Variants in FBXL17 observed in about 807,000 individuals in gnomAD.
The protein encoded by FBXL17 is F-box/LRR-repeat protein 17.
FBXL17 carries 22 observed loss-of-function variants against 66.2 expected under a neutral mutation model. That is an observed-to-expected ratio of 0.33 (90% CI 0.24 to 0.47). FBXL17 has a LOEUF of 0.47. Among genes scored for constraint, FBXL17 ranks in the 20% least tolerant of loss-of-function variants. The pLI is 1.00. For missense variants in FBXL17, 878 were observed against 948.2 expected (o/e 0.93, Z 0.97); for synonymous variants, 474 against 400.5 (o/e 1.18, Z -2.19).
chr5:108,028,316 G>C (rs1754905073), intron 6 of FBXL17, among the ~76,000 whole-genome samples: 1 of 152,166 alleles, frequency 6.6e-6, no homozygotes, highest in South Asian at 2.1e-4. Flanking sequence ...GTGAAATTTA[G>C]GTGAAATATT....
chr5:108,229,202 AC>A (rs1301779562), intron 4 of FBXL17, among the ~76,000 whole-genome samples: 2 of 152,094 alleles, frequency 1.3e-5, no homozygotes, highest in African/African-American at 2.4e-5. Flanking sequence ...ACTAGAAAAA[AC>A]AATCCTAAAA....
chr5:108,115,927 A>T (rs894813986), intron 6 of FBXL17, among the ~76,000 whole-genome samples: 1 of 152,202 alleles, frequency 6.6e-6, no homozygotes, highest in Non-Finnish European at 1.5e-5. Context: ...CCAAAATCAC[A>T]CTGAAAGTAA....
intron 7 of FBXL17, among the ~76,000 whole-genome samples, chr5:107,918,411 G>T (rs1266803300): frequency 6.6e-6 from 1 of 152,156 alleles, no homozygotes; most frequent in Non-Finnish European, 1.5e-5. Context: ...TTTTTAAAAA[G>T]AATCTTGATC....
At chr5:108,258,137 G>A (rs890569451) in intron 4 of FBXL17, among the ~76,000 whole-genome samples, 9 of 152,146 alleles carry the variant, frequency 5.9e-5, no homozygotes, top group African/African-American at 1.9e-4. Context: ...AGGGTCTTTG[G>A]AATGTAATTA....
chr5:107,919,962 G>T (rs1161327994), intron 7 of FBXL17, among the ~76,000 whole-genome samples: 1 of 152,172 alleles, frequency 6.6e-6, no homozygotes, highest in Non-Finnish European at 1.5e-5. Context: ...ACTAAATACA[G>T]AATAAATGAA....
intron 4 of FBXL17, among the ~76,000 whole-genome samples, chr5:108,291,194 TC>T (rs1255719836): frequency 1.3e-5 from 2 of 152,318 alleles, no homozygotes; most frequent in East Asian, 3.9e-4. Flanking sequence ...ACAATTATTG[TC>T]ACCCACCTTA....
intron 7 of FBXL17, among the ~76,000 whole-genome samples, chr5:108,010,216 C>T (rs1754123282): frequency 6.6e-6 from 1 of 152,154 alleles, no homozygotes; most frequent in South Asian, 2.1e-4. Flanking sequence ...TATTTATTTC[C>T]AAATGGCTGG....
At chr5:108,344,978 C>A (rs1273250704) in intron 4 of FBXL17, among the ~76,000 whole-genome samples, 1 of 152,140 alleles carries the variant, frequency 6.6e-6, no homozygotes, top group South Asian at 2.1e-4. Flanking sequence ...TATGTAGGTA[C>A]ATGACACCTG....
At chr5:108,297,024 C>G (rs1023379472) in intron 4 of FBXL17, among the ~76,000 whole-genome samples, 8 of 151,122 alleles carry the variant, frequency 5.3e-5, no homozygotes, top group Admixed American at 5.3e-4. Context: ...GCATCATTTT[C>G]TGAAATAATA....
chr5:108,380,942 G>A lies in FBXL17; in HGVS notation c.750C>T (p.Ala250=). The change falls in exon 1 of 9, where the codon GCC becomes GCT. Residue 250 remains alanine (A), a synonymous_variant. Transcript: ENST00000542267. ...PRPPDAGCCQ[A]PEQPPQPLCP... is the part of the protein sequence containing the mutation. ...AGAGCGGCTGCGGGGGCTGCTCCGG[G>A]GCCTGGCAGCAGCCGGCGTCGGGGG... 3 of 1,222,800 alleles carry A rather than the reference G, an allele frequency of 2.5e-6. No homozygotes were observed. Among genetic ancestry groups the A allele is most frequent in the Non-Finnish European group, 3.1e-6 (3 of 980,490 alleles). 75.7% of individuals were successfully genotyped at this position (1,222,800 alleles called of 1,614,324 possible). A position where few individuals can be genotyped will look rare whatever the true frequency, so the allele number is the denominator to read the frequency against.
intron 4 of FBXL17, among the ~76,000 whole-genome samples, chr5:108,308,795 A>T (rs1252180802): frequency 6.6e-6 from 1 of 152,108 alleles, no homozygotes; most frequent in Non-Finnish European, 1.5e-5. Context: ...TTGTAAATTT[A>T]CTGATTTTAA....
chr5:108,341,515 T>G (rs929767397), intron 4 of FBXL17, among the ~76,000 whole-genome samples: 3 of 152,142 alleles, frequency 2.0e-5, no homozygotes, highest in South Asian at 4.1e-4. Flanking sequence ...GTGACAGGCA[T>G]ACAGCTGTTA....
chr5:108,055,369 G>A (rs1159677078), intron 6 of FBXL17, among the ~76,000 whole-genome samples: 2 of 145,996 alleles, frequency 1.4e-5, no homozygotes, highest in East Asian at 4.1e-4. Flanking sequence ...AGCACTTTGA[G>A]AGGCCGAGGC....
intron 7 of FBXL17, among the ~76,000 whole-genome samples, chr5:107,923,522 C>A (rs1750393547): frequency 6.6e-6 from 1 of 152,194 alleles, no homozygotes; most frequent in South Asian, 2.1e-4. Context: ...CCAAGAGCAT[C>A]TTCTCCTGTC....
intron 6 of FBXL17, among the ~76,000 whole-genome samples, chr5:108,068,277 G>A (rs113537481): frequency 0.013 from 1,956 of 152,056 alleles, 46 homozygotes; most frequent in African/African-American, 0.045. Flanking sequence ...AAATAACACT[G>A]ATTTTCAGTT....
At chr5:108,126,631 G>GTCTCTCTCTCTCTCTCTCTCTC (rs140769664) in intron 6 of FBXL17, among the ~76,000 whole-genome samples, 1,137 of 111,466 alleles carry the variant, frequency 0.01, 31 homozygotes, top group Non-Finnish European at 0.015. Flanking sequence ...CTGTCTCTCT[G>GTCTCTCTCTCTCTCTCTCTCTC]TCTCTCTCTC....
intron 1 of FBXL17, among the ~76,000 whole-genome samples, chr5:108,378,330 TTTG>T (rs1158175957): frequency 8.0e-4 from 60 of 75,276 alleles, no homozygotes; most frequent in East Asian, 3.9e-3. Context: ...GTTTTTGTTT[TTTG>T]TTTTTTTGTT....
At chr5:108,200,615 C>A (rs188417695) in intron 5 of FBXL17, among the ~76,000 whole-genome samples, 1 of 151,668 alleles carries the variant, frequency 6.6e-6, no homozygotes, top group Non-Finnish European at 1.5e-5. Context: ...TTCAAAAGGG[C>A]CTCTGATAAA....
chr5:107,959,417 C>CACAG (rs1223390894), intron 7 of FBXL17, among the ~76,000 whole-genome samples: 2 of 145,372 alleles, frequency 1.4e-5, no homozygotes, highest in African/African-American at 2.5e-5. Flanking sequence ...CACACACACA[C>CACAG]AGGCAACACT....
Sources: allele counts gnomAD v4.1 joint callset (sites outside exome capture counted in the v4.1 genomes callset), GRCh38; gene constraint gnomAD v4.1.1; transcripts MANE v1.5; gene names NCBI Gene and HGNC (gene_info 2026-07-23, HGNC 2026-07-21).